Variants in PDZD2 observed in about 807,000 individuals in gnomAD.
PDZD2 encodes the protein PDZ domain containing 2.
PDZD2 carries 90 observed loss-of-function variants against 220.7 expected under a neutral mutation model. The ratio of observed to expected loss-of-function variants is 0.41; its 90% CI spans 0.34 to 0.49. The LOEUF (loss-of-function observed/expected upper bound fraction) is 0.49. Among genes scored for constraint, PDZD2 ranks in the 20% least tolerant of loss-of-function variants. The pLI is 0.28. For synonymous variants in PDZD2, 1,375 were observed against 1,450.5 expected (o/e 0.95, Z 1.18); for missense variants, 3,174 against 3,608.5 (o/e 0.88, Z 3.08).
In PDZD2 at chr5:32,092,762, T is replaced by C. The variant is rs895424474; in HGVS notation, c.7728-145T>C. ...CTCAGGATTTATTCTTCCATTAGTT[T>C]GGAATGGAAGTTTTGACCAAAAGAG... On this transcript the variant is annotated intron_variant, in intron 20 of 24. Coordinates refer to ENST00000438447, the MANE Select transcript of PDZD2 (RefSeq NM_178140.4). 27 of 494,324 alleles carry C rather than the reference T, an allele frequency of 5.5e-5. No individual in the cohort carries two copies. The South Asian group carries it at 8.0e-4, about 15-fold the overall frequency. The allele number at this position is 494,324 out of a possible 1,614,324, so 30.6% of individuals were successfully genotyped here. A position where few individuals can be genotyped will look rare whatever the true frequency, so the allele number is the denominator to read the frequency against.
chr5:31,721,375 T>C (rs1177696454), intron 1 of PDZD2, among the ~76,000 whole-genome samples: 1 of 152,178 alleles, frequency 6.6e-6, no homozygotes, highest in African/African-American at 2.4e-5. Context: ...GTCCACATAG[T>C]TGGCTTTGCT....
rs751116233 is a variant in PDZD2 at position 31,799,663 on chromosome 5, C to T, written c.415C>T (p.Arg139Trp). The change falls in exon 2 of 25, where the codon CGG (arginine) becomes TGG (tryptophan). Residue 139 changes from arginine (R) to tryptophan (W), a missense_variant. This residue lies in a region of PDZD2 where 632 missense variants were observed against 708.1 expected (regional missense o/e 0.89). Transcript: ENST00000438447. ...PAGKSGKVRL[R>W]DEILSLNGQL... ...AGGGAAGAGTGGGAAGGTCCGACTG[C>T]GGGATGAGATCCTCTCACTGAATGG... 99 of 1,613,854 alleles carry T rather than the reference C, an allele frequency of 6.1e-5. 1 individual carries two copies. In the East Asian group the frequency reaches 1.8e-3, roughly 30 times the overall value.
intron 1 of PDZD2, among the ~76,000 whole-genome samples, chr5:31,645,054 C>G (rs1745084612): frequency 6.6e-6 from 1 of 152,206 alleles, no homozygotes. Context: ...TCTTTTAAGT[C>G]TAAGAAGCAG....
chr5:31,798,553 CT>C (rs1192135576), intron 1 of PDZD2, among the ~76,000 whole-genome samples: 1 of 152,152 alleles, frequency 6.6e-6, no homozygotes, highest in East Asian at 1.9e-4. Context: ...CTTCCACAGC[CT>C]TCCACAGGGT....
chr5:31,667,054 G>C (rs1216860808), intron 1 of PDZD2, among the ~76,000 whole-genome samples: 1 of 151,916 alleles, frequency 6.6e-6, no homozygotes, highest in African/African-American at 2.4e-5. Context: ...GGCTAACACG[G>C]TGAAACCCCG....
At chr5:31,689,329 A>ATG (rs1747007075) in intron 1 of PDZD2, among the ~76,000 whole-genome samples, 1 of 67,222 alleles carries the variant, frequency 1.5e-5, no homozygotes, top group Non-Finnish European at 2.5e-5. Context: ...ACATATATAT[A>ATG]CATATACATA....
At chr5:31,829,821 G>A (rs1270100685) in intron 2 of PDZD2, among the ~76,000 whole-genome samples, 1 of 151,968 alleles carries the variant, frequency 6.6e-6, no homozygotes, top group African/African-American at 2.4e-5. Context: ...CGGAAGCCAA[G>A]GTGAGTGGAT....
Position 32,108,372 on chromosome 5 carries a change from C to G in PDZD2, c.*237C>G, listed in dbSNP as rs1745005230. Reference sequence around the variant, plus strand: ...CGGGAGGGTTCCTTCGTTCCAGTGCCTGTCCCCTACCTTTATGTTATGTTT... The same window carrying G: ...CGGGAGGGTTCCTTCGTTCCAGTGCGTGTCCCCTACCTTTATGTTATGTTT... On this transcript the variant is annotated 3_prime_UTR_variant, in exon 25 of 25. Transcript: ENST00000438447. 1 of 328,726 alleles carries G rather than the reference C, an allele frequency of 3.0e-6. No homozygotes were observed. Among genetic ancestry groups the G allele is most frequent in the Non-Finnish European group, 5.5e-6 (1 of 181,780 alleles). The allele number at this position is 328,726 out of a possible 1,614,324, so 20.4% of individuals were successfully genotyped here. A position where few individuals can be genotyped will look rare whatever the true frequency, so the allele number is the denominator to read the frequency against.
At position 32,025,545 on chromosome 5, in the gene PDZD2, A is replaced by G. The variant is rs1366903072; in HGVS notation, c.1408-11686A>G. ...TGTCACAAAACAAACAAACAAACAA[A>G]CAAACAAACAAAAAACAACTAGTGA... On this transcript the variant is annotated intron_variant, in intron 6 of 24. Coordinates refer to ENST00000438447, the MANE Select transcript of PDZD2 (RefSeq NM_178140.4). 4.7e-5 allele frequency among the ~76,000 whole-genome samples: 7 copies of G among 147,436 alleles called. No individual in the cohort carries two copies. The South Asian group carries it at 1.5e-3, about 32-fold the overall frequency.
Position 31,891,716 on chromosome 5 carries a change from C to T in PDZD2, c.477-91439C>T, listed in dbSNP as rs535065717. 4.5e-4 allele frequency among the ~76,000 whole-genome samples: 68 copies of T among 152,308 alleles called. No individual in the cohort carries two copies. The South Asian group carries it at 7.9e-3, about 18-fold the overall frequency. Reference sequence around the variant, plus strand: ...GGGTGGAATGGTGAATGCTCACCAACGCTGTCAATCCGAGCAGAGCTTTCC... The same window carrying T: ...GGGTGGAATGGTGAATGCTCACCAATGCTGTCAATCCGAGCAGAGCTTTCC... On this transcript the variant is annotated intron_variant, in intron 2 of 24. Transcript: ENST00000438447.
chr5:32,008,430 GC>G (rs1442751863), intron 5 of PDZD2, among the ~76,000 whole-genome samples: 1 of 151,770 alleles, frequency 6.6e-6, no homozygotes, highest in Non-Finnish European at 1.5e-5. Flanking sequence ...ACAGTTGCCC[GC>G]CCACCACACC....
chr5:32,014,941 T>C (rs1469201454), intron 6 of PDZD2, among the ~76,000 whole-genome samples: 3 of 48,154 alleles, frequency 6.2e-5, no homozygotes, highest in Non-Finnish European at 9.6e-5. Flanking sequence ...ATCTCTCTCT[T>C]TTTTTTTTTT....
chr5:32,052,597 G>A lies in PDZD2; in HGVS notation c.1666-14G>A, dbSNP rs561007953. On this transcript the variant is annotated splice_polypyrimidine_tract_variant and intron_variant, in intron 8 of 24. Coordinates refer to ENST00000438447, the MANE Select transcript of PDZD2 (RefSeq NM_178140.4). ...TGAGAGTAATCTCTGACCTTGCCGT[G>A]TGCTGACTTTTAGGAATACCACATT... The A allele has an allele frequency of 1.2e-6, 2 of 1,613,138 alleles. No homozygotes were observed. Among genetic ancestry groups the A allele is most frequent in the Admixed American group, 1.7e-5 (1 of 60,016 alleles).
intron 2 of PDZD2, among the ~76,000 whole-genome samples, chr5:31,881,906 A>T (rs1184221700): frequency 1.3e-5 from 2 of 151,724 alleles, no homozygotes; most frequent in Non-Finnish European, 2.9e-5. Context: ...TTTAGTAGAG[A>T]CGGGGTTTCT....
chr5:31,962,641 G>A (rs112649523), intron 2 of PDZD2, among the ~76,000 whole-genome samples: 17 of 152,168 alleles, frequency 1.1e-4, no homozygotes, highest in Admixed American at 5.2e-4. Context: ...GCTGCCACCC[G>A]CATAAAGCTC....
intron 2 of PDZD2, among the ~76,000 whole-genome samples, chr5:31,978,714 C>CAGAAAAAAAAAAA (rs1750009672): frequency 7.8e-6 from 1 of 127,988 alleles, no homozygotes; most frequent in African/African-American, 3.2e-5. Context: ...GACTCCATCT[C>CAGAAAAAAAAAAA]AAAAAAAAAA....
At chr5:32,057,203 C>G (rs1739169063) in intron 10 of PDZD2, among the ~76,000 whole-genome samples, 1 of 152,146 alleles carries the variant, frequency 6.6e-6, no homozygotes, top group Non-Finnish European at 1.5e-5. Context: ...TTTCCATACA[C>G]CATGCTGATT....
chr5:31,923,439 T>G, intron 2 of PDZD2: 1 of 1,132,484 alleles, frequency 8.8e-7, no homozygotes, highest in Non-Finnish European at 1.3e-6. Flanking sequence ...TGCCATCCAC[T>G]TGGGCTTTAT....
chr5:31,725,397 A>AT (rs1749064632), intron 1 of PDZD2: 2 of 1,001,260 alleles, frequency 2.0e-6, no homozygotes, highest in Middle Eastern at 3.6e-4. Flanking sequence ...AATTATAACC[A>AT]TTGCCTGATA....
Sources: allele counts gnomAD v4.1 joint callset (sites outside exome capture counted in the v4.1 genomes callset), GRCh38; gene constraint gnomAD v4.1.1; regional missense constraint gnomAD v4.1.1; transcripts MANE v1.5; gene names NCBI Gene and HGNC (gene_info 2026-07-23, HGNC 2026-07-21).